TSPAN5: variants seen among roughly 807,000 people sequenced by gnomAD.
TSPAN5 encodes the protein tetraspanin-5.
TSPAN5 carries 10 observed loss-of-function variants against 37.1 expected under a neutral mutation model. That is an observed-to-expected ratio of 0.27 (90% CI 0.17 to 0.46). TSPAN5 has a LOEUF of 0.46. Ranked by LOEUF, TSPAN5 falls within the 20% of genes least tolerant of loss-of-function variation. The probability of loss-of-function intolerance (pLI) is 1.00; values close to 1 mark genes in which losing one functional copy is unlikely to be tolerated. For missense variants in TSPAN5, 195 were observed against 326.6 expected (o/e 0.60, Z 3.11); for synonymous variants, 110 against 118.9 (o/e 0.93, Z 0.48).
chr4:98,617,552 T>C (rs558242670), intron 1 of TSPAN5, among the ~76,000 whole-genome samples: 1 of 152,192 alleles, frequency 6.6e-6, no homozygotes, highest in Non-Finnish European at 1.5e-5. Context: ...CTGATCAGTG[T>C]AGGGGATGCA....
chr4:98,492,856 G>A (rs551426516), intron 2 of TSPAN5, among the ~76,000 whole-genome samples: 76 of 152,208 alleles, frequency 5.0e-4, no homozygotes, highest in African/African-American at 1.8e-3. Context: ...CTCCAATTCT[G>A]CATGTAAACT....
chr4:98,578,821 C>T (rs1056557790), intron 1 of TSPAN5, among the ~76,000 whole-genome samples: 1 of 152,118 alleles, frequency 6.6e-6, no homozygotes, highest in African/African-American at 2.4e-5. Flanking sequence ...AGCAGACTCT[C>T]CCACCTCCCC....
intron 1 of TSPAN5, among the ~76,000 whole-genome samples, chr4:98,587,821 G>A (rs1457428357): frequency 5.3e-5 from 8 of 152,068 alleles, no homozygotes; most frequent in African/African-American, 1.9e-4. Context: ...CTGAGGAGGC[G>A]AAGGCAGCAG....
intron 1 of TSPAN5, among the ~76,000 whole-genome samples, chr4:98,514,564 C>T (rs937315857): frequency 3.3e-5 from 5 of 152,152 alleles, no homozygotes; most frequent in African/African-American, 9.7e-5. Context: ...GGTAAGATGG[C>T]GTGACTGATA....
intron 1 of TSPAN5, among the ~76,000 whole-genome samples, chr4:98,549,124 C>G (rs989547841): frequency 2.6e-5 from 4 of 152,164 alleles, no homozygotes; most frequent in Non-Finnish European, 5.9e-5. Flanking sequence ...AATCTCCATA[C>G]CATTTTCCAC....
At chr4:98,628,654 A>T (rs981140739) in intron 1 of TSPAN5, among the ~76,000 whole-genome samples, 1 of 152,114 alleles carries the variant, frequency 6.6e-6, no homozygotes, top group African/African-American at 2.4e-5. Flanking sequence ...CCCCTTTACC[A>T]CACTCCCCAT....
chr4:98,556,450 G>C (rs1754753571), intron 1 of TSPAN5, among the ~76,000 whole-genome samples: 1 of 152,212 alleles, frequency 6.6e-6, no homozygotes, highest in Non-Finnish European at 1.5e-5. Flanking sequence ...AGAAATGGCA[G>C]TATATGAATG....
At chr4:98,569,165 G>T (rs952007275) in intron 1 of TSPAN5, among the ~76,000 whole-genome samples, 1 of 152,118 alleles carries the variant, frequency 6.6e-6, no homozygotes, top group African/African-American at 2.4e-5. Flanking sequence ...ATTATGATTT[G>T]GCTTCCCACG....
chr4:98,481,424 A>G (rs769269434), intron 4 of TSPAN5, among the ~76,000 whole-genome samples: 3 of 152,236 alleles, frequency 2.0e-5, no homozygotes, highest in South Asian at 2.1e-4. Context: ...CTGGACTCCA[A>G]TGCTCAGGGA....
chr4:98,590,126 G>A (rs1755591090), intron 1 of TSPAN5, among the ~76,000 whole-genome samples: 1 of 151,994 alleles, frequency 6.6e-6, no homozygotes, highest in African/African-American at 2.4e-5. Context: ...CACTTCAAAA[G>A]GTACCTTTAA....
At chr4:98,569,583 G>A (rs762682348) in intron 1 of TSPAN5, among the ~76,000 whole-genome samples, 11 of 152,216 alleles carry the variant, frequency 7.2e-5, no homozygotes, top group Non-Finnish European at 1.5e-4. Flanking sequence ...GACCAACAGT[G>A]TAAACTAGAG....
chr4:98,502,301 G>A (rs2110281158), intron 2 of TSPAN5, among the ~76,000 whole-genome samples: 1 of 152,282 alleles, frequency 6.6e-6, no homozygotes, highest in Non-Finnish European at 1.5e-5. Flanking sequence ...GTGACAGATG[G>A]CATGTAAAGC....
intron 3 of TSPAN5, chr4:98,484,377 T>C: frequency 2.2e-6 from 1 of 449,766 alleles, no homozygotes; most frequent in Non-Finnish European, 4.4e-6. Flanking sequence ...CTGTGGACGT[T>C]TACTTACTAC....
At chr4:98,517,654 A>T (rs906653622) in intron 1 of TSPAN5, among the ~76,000 whole-genome samples, 1 of 152,038 alleles carries the variant, frequency 6.6e-6, no homozygotes, top group African/African-American at 2.4e-5. Flanking sequence ...AGGGGAGAGA[A>T]GGGAGGGCTG....
chr4:98,630,700 C>T (rs1756725590), intron 1 of TSPAN5, among the ~76,000 whole-genome samples: 1 of 152,178 alleles, frequency 6.6e-6, no homozygotes, highest in Non-Finnish European at 1.5e-5. Context: ...AACTTAAGTC[C>T]ACTTAGATCA....
chr4:98,628,214 A>G (rs1249108719), intron 1 of TSPAN5, among the ~76,000 whole-genome samples: 8 of 152,208 alleles, frequency 5.3e-5, no homozygotes, highest in African/African-American at 1.7e-4. Context: ...AAGTCTCCAT[A>G]ATAAGGTATA....
intron 1 of TSPAN5, among the ~76,000 whole-genome samples, chr4:98,523,253 G>A (rs1218629678): frequency 6.6e-6 from 1 of 152,126 alleles, no homozygotes; most frequent in Non-Finnish European, 1.5e-5. Flanking sequence ...ACAGCATGAG[G>A]GATGTGAATA....
At chr4:98,511,114 A>G (rs1753596019) in intron 1 of TSPAN5, among the ~76,000 whole-genome samples, 1 of 152,226 alleles carries the variant, frequency 6.6e-6, no homozygotes, top group Admixed American at 6.5e-5. Context: ...TTGAAATGGA[A>G]AAAAATATAT....
intron 1 of TSPAN5, among the ~76,000 whole-genome samples, chr4:98,656,954 C>T (rs2110298003): frequency 6.6e-6 from 1 of 152,316 alleles, no homozygotes; most frequent in Middle Eastern, 3.4e-3. Context: ...GTTCAGACTG[C>T]TGTGGATAAT....
Sources: allele counts gnomAD v4.1 joint callset (sites outside exome capture counted in the v4.1 genomes callset), GRCh38; gene constraint gnomAD v4.1.1; transcripts MANE v1.5; gene names NCBI Gene and HGNC (gene_info 2026-07-23, HGNC 2026-07-21).